The following CSMD2 variants were observed in gnomAD, a reference collection of about 807,000 sequenced individuals.
CSMD2 encodes CUB and Sushi multiple domains 2, also known as CUB and sushi domain-containing protein 2.
In CSMD2, 130 loss-of-function variants were observed where a neutral mutation model predicts 398.5. The ratio of observed to expected loss-of-function variants is 0.33; its 90% confidence interval spans 0.28 to 0.38. The LOEUF is 0.38. Among genes scored for constraint, CSMD2 ranks in the 10% least tolerant of loss-of-function variants. The pLI is 1.00. For missense variants in CSMD2, 3,829 were observed against 4,764.9 expected, an observed-to-expected ratio of 0.80 and a Z score of 5.78; for synonymous variants, 1,828 against 1,908.5, an observed-to-expected ratio of 0.96 and a Z score of 1.10.
chr1:34,103,258 T>C (rs1218082798), intron 1 of CSMD2, among the ~76,000 whole-genome samples: 1 of 151,586 alleles, frequency 6.6e-6, no homozygotes, highest in African/African-American at 2.4e-5. Context: ...GATATGTTTA[T>C]GTGGCTGTCT....
chr1:33,580,672 A>C (rs1386901831), intron 48 of CSMD2, 81 bp downstream of exon 48: 2 of 1,512,950 alleles, frequency 1.3e-6, no homozygotes, highest in East Asian at 2.3e-5. Context: ...TAGGAGGGGA[A>C]TGGCCGCCCG....
At chr1:33,837,728 G>T (rs1039542263) in intron 6 of CSMD2, among the ~76,000 whole-genome samples, 2 of 152,218 alleles carry the variant, frequency 1.3e-5, no homozygotes, top group African/African-American at 4.8e-5. Context: ...TCTGTGCATG[G>T]TTTTCACTGT....
At chr1:33,662,655 G>A (rs984966600) in intron 26 of CSMD2, among the ~76,000 whole-genome samples, 1 of 152,170 alleles carries the variant, frequency 6.6e-6, no homozygotes, top group Non-Finnish European at 1.5e-5. Flanking sequence ...TGGACCGTAT[G>A]TCTCCATCCA....
At chr1:33,780,394 G>A (rs1194497263) in intron 12 of CSMD2, among the ~76,000 whole-genome samples, 1 of 152,120 alleles carries the variant, frequency 6.6e-6, no homozygotes, top group Admixed American at 6.5e-5. Flanking sequence ...TGCACCTATG[G>A]GGACTGATGT....
Position 33,525,049 on chromosome 1 carries a change from G to A in CSMD2, c.10235-6C>T, listed in dbSNP as rs1171081420. On this transcript the variant is annotated splice_region_variant and splice_polypyrimidine_tract_variant and intron_variant, in intron 65 of 70. Coordinates refer to ENST00000373381, the MANE Select transcript of CSMD2 (RefSeq NM_001281956.2). ...GGCAAAAACATCCCCAGGAACTAGA[G>A]GAATTGAGAAATAGATGTGAGAGGG... 6.2e-7 allele frequency: 1 copy of A among 1,614,112 alleles called. No individual in the cohort carries two copies. The highest frequency in any genetic ancestry group is 8.5e-7 in the Non-Finnish European group (1 of 1,179,998).
intron 25 of CSMD2, among the ~76,000 whole-genome samples, chr1:33,685,303 C>A (rs1255375893): frequency 6.6e-6 from 1 of 152,184 alleles, no homozygotes; most frequent in Non-Finnish European, 1.5e-5. Flanking sequence ...GAAAAATGAA[C>A]CCCCATCTGT....
intron 55 of CSMD2, among the ~76,000 whole-genome samples, chr1:33,556,251 G>T (rs562774786): frequency 6.6e-6 from 1 of 152,290 alleles, no homozygotes; most frequent in South Asian, 2.1e-4. Context: ...ACTGTACACA[G>T]GTGGTGTCCA....
intron 3 of CSMD2, among the ~76,000 whole-genome samples, chr1:34,024,215 G>A (rs527404692): frequency 1.3e-5 from 2 of 152,294 alleles, no homozygotes; most frequent in South Asian, 4.2e-4. Context: ...GCCTACTTTG[G>A]GACTGATATA....
chr1:33,727,679 C>T (rs1646582025), intron 15 of CSMD2, among the ~76,000 whole-genome samples: 4 of 152,200 alleles, frequency 2.6e-5, no homozygotes, highest in African/African-American at 9.6e-5. Flanking sequence ...AGAGGGAAGT[C>T]TCATCAATCT....
At chr1:34,095,671 A>G (rs1475965306) in intron 1 of CSMD2, among the ~76,000 whole-genome samples, 2 of 151,830 alleles carry the variant, frequency 1.3e-5, no homozygotes, top group African/African-American at 4.8e-5. Context: ...AGAAATGGAT[A>G]AATTCCTGGA....
intron 3 of CSMD2, among the ~76,000 whole-genome samples, chr1:33,943,205 C>G (rs1644732287): frequency 6.6e-6 from 1 of 152,140 alleles, no homozygotes; most frequent in Non-Finnish European, 1.5e-5. Context: ...AAAAGAAAAC[C>G]TTAAGAACCT....
intron 23 of CSMD2, among the ~76,000 whole-genome samples, chr1:33,699,474 C>T (rs1382095723): frequency 6.6e-6 from 1 of 152,168 alleles, no homozygotes; most frequent in East Asian, 1.9e-4. Flanking sequence ...CTGCATTTTA[C>T]AACGGAGAGC....
At chr1:33,581,614 T>C (rs1027634039) in intron 47 of CSMD2, among the ~76,000 whole-genome samples, 6 of 144,720 alleles carry the variant, frequency 4.1e-5, no homozygotes, top group Non-Finnish European at 7.6e-5. Flanking sequence ...AATGAATACA[T>C]AGCAATAAAG....
At chr1:33,587,710 C>G (rs1467343376) in intron 44 of CSMD2, among the ~76,000 whole-genome samples, 1 of 152,182 alleles carries the variant, frequency 6.6e-6, no homozygotes, top group Admixed American at 6.5e-5. Flanking sequence ...GACAAGCTGA[C>G]CCTTCTGATC....
intron 4 of CSMD2, among the ~76,000 whole-genome samples, chr1:33,934,117 C>T (rs1469264869): frequency 6.6e-6 from 1 of 152,138 alleles, no homozygotes; most frequent in Non-Finnish European, 1.5e-5. Context: ...AGTTGCTTAT[C>T]CCTGGAGCTA....
chr1:34,165,623 CAG>C (rs1301111406), upstream of CSMD2: 2 of 834,322 alleles, frequency 2.4e-6, no homozygotes, highest in African/African-American at 1.7e-5. Flanking sequence ...CACACAGTGA[CAG>C]AGACACACGC....
intron 5 of CSMD2, among the ~76,000 whole-genome samples, chr1:33,915,678 G>T (rs891196164): frequency 2.6e-5 from 4 of 152,172 alleles, no homozygotes; most frequent in Non-Finnish European, 5.9e-5. Flanking sequence ...AAAGGCCTTG[G>T]GACTGGAAGA....
At chr1:33,957,227 G>A (rs976555916) in intron 3 of CSMD2, among the ~76,000 whole-genome samples, 1 of 152,124 alleles carries the variant, frequency 6.6e-6, no homozygotes, top group African/African-American at 2.4e-5. Flanking sequence ...CATGCAAGCA[G>A]GGAGCCTCTC....
intron 13 of CSMD2, among the ~76,000 whole-genome samples, chr1:33,744,889 T>A (rs932973087): frequency 6.6e-6 from 1 of 152,302 alleles, no homozygotes; most frequent in South Asian, 2.1e-4. Context: ...ACTGATATGA[T>A]CCTTTTTGAA....
Sources: gnomAD v4.1 joint callset for allele counts (sites outside exome capture counted in the v4.1 genomes callset) on GRCh38, gnomAD v4.1.1 for gene constraint, MANE v1.5 for transcripts, NCBI Gene and HGNC (gene_info 2026-07-23, HGNC 2026-07-21) for gene names.